The following ULK4 variants were observed in gnomAD, a reference collection of about 807,000 sequenced individuals.
The protein encoded by ULK4 is inactive serine/threonine-protein kinase ULK4.
In ULK4, 133 loss-of-function variants were observed where a neutral mutation model predicts 160.6. That is an observed-to-expected ratio of 0.83 (90% CI 0.72 to 0.96). The LOEUF (loss-of-function observed/expected upper bound fraction) is 0.96. Ranked by LOEUF, ULK4 falls within the 40% of genes least tolerant of loss-of-function variation. The probability of loss-of-function intolerance (pLI) is 0.00; values close to 1 mark genes in which losing one functional copy is unlikely to be tolerated. For synonymous variants in ULK4, 534 were observed against 539.8 expected (o/e 0.99, Z 0.15); for missense variants, 1,580 against 1,499.5 (o/e 1.05, Z -0.89).
rs529293063 is a variant in ULK4, at chr3:41,961,723, T to C, written c.-49+293A>G. Among the ~76,000 whole-genome samples the C allele has an allele frequency of 1.8e-3, 275 of 152,212 alleles. 2 individuals carry two copies. The highest frequency in any genetic ancestry group is 7.0e-3 in the South Asian group (34 of 4,832). On this transcript the variant is annotated intron_variant, in intron 1 of 36. Transcript: ENST00000301831. ...CTGGGAAGTTAAGAGATGGCGTCCA[T>C]AAAGCACATCTCCCAAGCCGAAACA...
At position 41,876,640 on chromosome 3, in the gene ULK4, C is replaced by T. The variant is rs932615478; in HGVS notation, c.1656+7234G>A. ...GCTTTTAATAGCCAAATACAGAAAA[C>T]AATCCAAATGCCCATCACCAGTGAT... is the stretch of plus-strand genomic sequence containing the variant. On this transcript the variant is annotated intron_variant, in intron 17 of 36. Coordinates refer to ENST00000301831, the MANE Select transcript of ULK4 (RefSeq NM_017886.4). Among the ~76,000 whole-genome samples, 4 of 152,100 alleles carry T rather than the reference C, an allele frequency of 2.6e-5. 1 individual carries two copies. The highest frequency in any genetic ancestry group is 9.7e-5 in the African/African-American group (4 of 41,394).
At chr3:41,529,000 C>T (rs1033835182) in intron 32 of ULK4, among the ~76,000 whole-genome samples, 2 of 152,048 alleles carry the variant, frequency 1.3e-5, no homozygotes, top group Non-Finnish European at 1.5e-5. Context: ...AAAAAGATTC[C>T]TTGTTGTTGC....
intron 33 of ULK4, among the ~76,000 whole-genome samples, chr3:41,459,091 A>T (rs1045405065): frequency 6.6e-6 from 1 of 151,820 alleles, no homozygotes; most frequent in East Asian, 1.9e-4. Flanking sequence ...TCGCTCTGTC[A>T]CCCAGGCTGG....
At chr3:41,898,566 T>A in intron 13 of ULK4, 74 bp from the exon 14 acceptor site, 2 of 870,788 alleles carry the variant, frequency 2.3e-6, no homozygotes, top group African/African-American at 1.7e-5. Context: ...ATGTCCCTTA[T>A]GTCAGATAAT....
chr3:41,903,789 A>C (rs1318725292), intron 12 of ULK4, among the ~76,000 whole-genome samples: 1 of 152,186 alleles, frequency 6.6e-6, no homozygotes, highest in East Asian at 1.9e-4. Flanking sequence ...TAATCATTAA[A>C]TGAAAATAAT....
At chr3:41,913,409 TAG>T (rs1307948904) in intron 8 of ULK4, among the ~76,000 whole-genome samples, 2 of 152,058 alleles carry the variant, frequency 1.3e-5, no homozygotes. Flanking sequence ...GTATTTTTAG[TAG>T]AGACGGGATT....
rs186115021 is a variant in ULK4, at chr3:41,885,438, T to C, written c.1578-1486A>G. Among the ~76,000 whole-genome samples, 431 of 152,314 alleles carry C rather than the reference T, an allele frequency of 2.8e-3. 6 individuals carry two copies. Among genetic ancestry groups the C allele is most frequent in the Non-Finnish European group, 2.3e-3 (159 of 68,030 alleles). On this transcript the variant is annotated intron_variant, in intron 16 of 36. Transcript: ENST00000301831. ...TACCCTATATACAACACCCTCACAG[T>C]ATAGGTTCCTTCTCAAAATTCAGGT...
intron 27 of ULK4, among the ~76,000 whole-genome samples, chr3:41,693,019 T>A (rs545443693): frequency 6.6e-6 from 1 of 152,230 alleles, no homozygotes; most frequent in African/African-American, 2.4e-5. Context: ...AGTAAATGCA[T>A]TGGAAATTCA....
intron 36 of ULK4, among the ~76,000 whole-genome samples, chr3:41,247,621 C>T (rs528039616): frequency 3.3e-5 from 5 of 151,950 alleles, no homozygotes; most frequent in East Asian, 3.9e-4. Flanking sequence ...GGGGGTGGGG[C>T]CCTGCATAAA....
intron 22 of ULK4, among the ~76,000 whole-genome samples, chr3:41,721,726 A>G (rs981552124): frequency 5.3e-5 from 8 of 151,898 alleles, no homozygotes; most frequent in Non-Finnish European, 8.8e-5. Flanking sequence ...AACATTTTCT[A>G]GGAGATATAA....
At chr3:41,619,891 G>C (rs1302090483) in intron 30 of ULK4, among the ~76,000 whole-genome samples, 1 of 151,792 alleles carries the variant, frequency 6.6e-6, no homozygotes, top group Admixed American at 6.6e-5. Context: ...TAAAAAGAGA[G>C]AAGAATCAAA....
chr3:41,272,706 C>A (rs1324210591), intron 35 of ULK4, among the ~76,000 whole-genome samples: 1 of 151,860 alleles, frequency 6.6e-6, no homozygotes, highest in African/African-American at 2.4e-5. Context: ...TTGCTACTCT[C>A]TTCCATTCTC....
chr3:41,714,852 T>TAGAAAAAAAAA (rs533759904), intron 25 of ULK4, among the ~76,000 whole-genome samples: 2 of 131,358 alleles, frequency 1.5e-5, no homozygotes, highest in African/African-American at 3.3e-5. Context: ...ACTCTGTCTT[T>TAGAAAAAAAAA]AAAAAAAAAA....
At chr3:41,260,122 TAC>T (rs2078912863) in intron 35 of ULK4, 1 of 152,246 alleles carries the variant, frequency 6.6e-6, no homozygotes, top group South Asian at 2.1e-4. Context: ...TCTCTTAATG[TAC>T]ACTTTGTCTT....
At chr3:41,537,701 A>T (rs1270309088) in intron 32 of ULK4, among the ~76,000 whole-genome samples, 1 of 152,208 alleles carries the variant, frequency 6.6e-6, no homozygotes, top group Non-Finnish European at 1.5e-5. Flanking sequence ...ATCAATCCAG[A>T]AAAAGTGTTC....
At chr3:41,709,378 G>C (rs1437365724) in intron 25 of ULK4, among the ~76,000 whole-genome samples, 1 of 151,958 alleles carries the variant, frequency 6.6e-6, no homozygotes, top group Admixed American at 6.6e-5. Flanking sequence ...CTTTAAAATG[G>C]AGTTTGTTTG....
chr3:41,838,537 T>TA (rs1175581782), intron 17 of ULK4, among the ~76,000 whole-genome samples: 9 of 149,620 alleles, frequency 6.0e-5, no homozygotes, highest in East Asian at 5.9e-4. Context: ...AATGGAGTGG[T>TA]AAAAAAAAAT....
At chr3:41,757,426 A>G (rs559835665) in intron 21 of ULK4, among the ~76,000 whole-genome samples, 1 of 152,024 alleles carries the variant, frequency 6.6e-6, no homozygotes, top group Admixed American at 6.5e-5. Context: ...TGGTCAGGAG[A>G]TCAAGACCAA....
chr3:41,726,876 G>C (rs558829753), intron 22 of ULK4, among the ~76,000 whole-genome samples: 1 of 152,114 alleles, frequency 6.6e-6, no homozygotes, highest in Non-Finnish European at 1.5e-5. Context: ...TTGAACTCCT[G>C]ACCTAAAATG....
Sources: gnomAD v4.1 joint callset for allele counts (sites outside exome capture counted in the v4.1 genomes callset) on GRCh38, gnomAD v4.1.1 for gene constraint, MANE v1.5 for transcripts, NCBI Gene and HGNC (gene_info 2026-07-23, HGNC 2026-07-21) for gene names.